Variants in ERI3 observed in about 807,000 individuals in gnomAD.
ERI3 encodes ERI1 exoribonuclease 3.
ERI3 carries 18 observed loss-of-function variants against 44.4 expected under a neutral mutation model. That is an observed-to-expected ratio of 0.41 (90% CI 0.28 to 0.60). The LOEUF is 0.60. Ranked by LOEUF, ERI3 falls within the 20% of genes least tolerant of loss-of-function variation. ERI3 has a pLI of 0.36. For synonymous variants in ERI3, 183 were observed against 164.8 expected, an observed-to-expected ratio of 1.11 and a Z score of -0.84; for missense variants, 294 against 435.5, an observed-to-expected ratio of 0.68 and a Z score of 2.89.
intron 8 of ERI3, 105 bp downstream of exon 8, chr1:44,247,833 TG>T: frequency 1.3e-6 from 1 of 770,784 alleles, no homozygotes. Flanking sequence ...AGAGCCCTGT[TG>T]GGGCACTGAA....
intron 7 of ERI3, among the ~76,000 whole-genome samples, chr1:44,254,753 ATGCATC>A (rs1644748052): frequency 6.6e-6 from 1 of 151,760 alleles, no homozygotes; most frequent in Non-Finnish European, 1.5e-5. Context: ...TTATCTACAA[ATGCATC>A]TGCATCCTTC....
Position 44,322,338 on chromosome 1 carries a change from T to C in ERI3, c.490-2594A>G, listed in dbSNP as rs1351343733. 2.0e-5 allele frequency among the ~76,000 whole-genome samples: 3 copies of C among 147,762 alleles called. No individual in the cohort carries two copies. The East Asian group carries it at 6.0e-4, about 30-fold the overall frequency. ...GGGCCAACTACGTGCTGAAACTCAG[T>C]GCCATGCTCCCAGAGAGGAAGAACA... On this transcript the variant is annotated intron_variant, in intron 3 of 8. Coordinates refer to ENST00000372257, the MANE Select transcript of ERI3 (RefSeq NM_024066.3).
intron 3 of ERI3, among the ~76,000 whole-genome samples, chr1:44,328,456 T>G (rs1461780008): frequency 6.6e-6 from 1 of 152,114 alleles, no homozygotes; most frequent in African/African-American, 2.4e-5. Flanking sequence ...CAGCCTTGGT[T>G]TTAACAGCCC....
At chr1:44,354,211 G>C in intron 1 of ERI3, 6 of 985,360 alleles carry the variant, frequency 6.1e-6, no homozygotes, top group Non-Finnish European at 7.2e-6. Context: ...CTGCCCTTCC[G>C]CTGGGAGACT....
At chr1:44,283,991 C>T (rs747474507) in intron 7 of ERI3, 20 of 470,314 alleles carry the variant, frequency 4.3e-5, no homozygotes, top group Middle Eastern at 3.9e-4. Flanking sequence ...ACTACCTTGA[C>T]CCCCGGTGTG....
rs1572037441 is a variant in ERI3 at position 44,221,281 on chromosome 1, G to T, written c.*277C>A. On this transcript the variant is annotated 3_prime_UTR_variant, in exon 9 of 9. Coordinates refer to ENST00000372257, the MANE Select transcript of ERI3 (RefSeq NM_024066.3). The surrounding 1 kb of genome is among the most constrained non-coding windows in gnomAD (Gnocchi z 5.9). ...CCAGGGAGGAGGCGGTGAGTGCCTG[G>T]GTCCCCCTAGCCCAGGCCCGCAATG... 2.3e-5 allele frequency: 11 copies of T among 469,556 alleles called. No homozygotes were observed. The East Asian group carries it at 4.2e-4, about 18-fold the overall frequency. 29.1% of individuals were successfully genotyped at this position (469,556 alleles called of 1,614,324 possible).
At chr1:44,271,646 G>C (rs1250207401) in intron 7 of ERI3, among the ~76,000 whole-genome samples, 2 of 152,172 alleles carry the variant, frequency 1.3e-5, no homozygotes, top group Non-Finnish European at 2.9e-5. Context: ...GATTAAGTGA[G>C]TTAATTCATA....
intron 6 of ERI3, among the ~76,000 whole-genome samples, chr1:44,307,034 A>T (rs780739047): frequency 6.6e-5 from 10 of 152,184 alleles, no homozygotes; most frequent in Non-Finnish European, 1.0e-4. Context: ...CCTCTGATTC[A>T]TATCTGCTTC....
At chr1:44,349,552 C>A (rs185462319) in intron 2 of ERI3, among the ~76,000 whole-genome samples, 202 of 152,330 alleles carry the variant, frequency 1.3e-3, no homozygotes, top group African/African-American at 4.5e-3. Flanking sequence ...CTCCTGTCTG[C>A]TGGCTGCCAC....
At chr1:44,270,816 A>C (rs1050119682) in intron 7 of ERI3, among the ~76,000 whole-genome samples, 3 of 149,740 alleles carry the variant, frequency 2.0e-5, no homozygotes, top group Non-Finnish European at 3.0e-5. Context: ...TGATTCCCTC[A>C]CTTGCTTCTT....
At chr1:44,338,852 T>C (rs746222223) in intron 3 of ERI3, among the ~76,000 whole-genome samples, 193 bp downstream of exon 3, 2 of 152,148 alleles carry the variant, frequency 1.3e-5, no homozygotes, top group Non-Finnish European at 1.5e-5. Context: ...TACCCAGTTC[T>C]CTCCAGAGAC....
At chr1:44,298,304 G>C (rs1250488748) in intron 6 of ERI3, among the ~76,000 whole-genome samples, 1 of 152,192 alleles carries the variant, frequency 6.6e-6, no homozygotes, top group Non-Finnish European at 1.5e-5. Context: ...TCAGAGAAGA[G>C]GGAGGACAGT....
intron 8 of ERI3, among the ~76,000 whole-genome samples, chr1:44,237,191 G>A (rs774484116): frequency 1.4e-4 from 22 of 152,092 alleles, no homozygotes; most frequent in Non-Finnish European, 1.5e-4. Flanking sequence ...CCAGGAACAC[G>A]GCTGGCAACA....
intron 7 of ERI3, among the ~76,000 whole-genome samples, chr1:44,280,588 G>A (rs1645265849): frequency 6.6e-6 from 1 of 152,164 alleles, no homozygotes; most frequent in African/African-American, 2.4e-5. Context: ...GGCTGGGGAT[G>A]CTACAAGTTC....
intron 7 of ERI3, among the ~76,000 whole-genome samples, chr1:44,270,636 G>C (rs1250004414): frequency 6.6e-6 from 1 of 152,218 alleles, no homozygotes; most frequent in Non-Finnish European, 1.5e-5. Context: ...CTAGGACTAA[G>C]AGGCTGCCTC....
chr1:44,348,995 T>C (rs942351204), intron 2 of ERI3, among the ~76,000 whole-genome samples: 1 of 152,154 alleles, frequency 6.6e-6, no homozygotes, highest in East Asian at 1.9e-4. Context: ...TACAAAGATG[T>C]AAGGCCACAG....
At chr1:44,269,579 T>C (rs1645051956) in intron 7 of ERI3, among the ~76,000 whole-genome samples, 2 of 152,204 alleles carry the variant, frequency 1.3e-5, no homozygotes, top group African/African-American at 4.8e-5. Flanking sequence ...TACAAATGGG[T>C]ACACCCTCTT....
At chr1:44,305,057 A>AG (rs1645805032) in intron 6 of ERI3, among the ~76,000 whole-genome samples, 1 of 152,008 alleles carries the variant, frequency 6.6e-6, no homozygotes, top group Non-Finnish European at 1.5e-5. Flanking sequence ...CCCTCTCCAA[A>AG]GGGGCCTCTT....
rs554856102 is a variant in ERI3 at position 44,281,005 on chromosome 1, A to G, written c.831+3830T>C. Among the ~76,000 whole-genome samples the G allele has an allele frequency of 2.0e-5, 3 of 152,360 alleles. No individual in the cohort carries two copies. The East Asian group carries it at 5.8e-4, about 29-fold the overall frequency. The stretch of plus-strand genomic sequence containing the variant: ...CAAATTCTTTCTCCTCTTAGAACTT[A>G]CATTCTAGTTTCATGAAGCTGCCAG... On this transcript the variant is annotated intron_variant, in intron 7 of 8. Transcript: ENST00000372257.
Sources: gnomAD v4.1 joint callset for allele counts (sites outside exome capture counted in the v4.1 genomes callset) on GRCh38, gnomAD v4.1.1 for gene constraint, Gnocchi (gnomAD v3.1) non-coding constraint, MANE v1.5 for transcripts, NCBI Gene and HGNC (gene_info 2026-07-23, HGNC 2026-07-21) for gene names.